MTMR7: variants seen among roughly 807,000 people sequenced by gnomAD.
MTMR7 encodes myotubularin related protein 7, also known as phosphatidylinositol-3-phosphate phosphatase MTMR7.
MTMR7 carries 76 observed loss-of-function variants against 81.2 expected under a neutral mutation model. The ratio of observed to expected loss-of-function variants is 0.94; its 90% CI spans 0.78 to 1.13. The LOEUF is 1.13. MTMR7 is among the 50% of genes most tolerant of loss of function. The pLI is 0.00. For synonymous variants in MTMR7, 372 were observed against 289.8 expected (o/e 1.28, Z -2.88); for missense variants, 1,044 against 820.0 (o/e 1.27, Z -3.34).
chr8:17,405,835 T>TAC (rs36233628), intron 1 of MTMR7, among the ~76,000 whole-genome samples: 41 of 121,072 alleles, frequency 3.4e-4, no homozygotes, highest in African/African-American at 1.0e-3. Flanking sequence ...CCCAAAACTA[T>TAC]ACACACACAC....
chr8:17,320,543 TAGAA>T (rs1228447240), intron 7 of MTMR7, among the ~76,000 whole-genome samples: 1 of 152,136 alleles, frequency 6.6e-6, no homozygotes. Flanking sequence ...GCTGATGATC[TAGAA>T]GCCAATTTCC....
chr8:17,312,737 A>G (rs1586159926), intron 8 of MTMR7, among the ~76,000 whole-genome samples: 2 of 152,282 alleles, frequency 1.3e-5, no homozygotes, highest in African/African-American at 4.8e-5. Flanking sequence ...TTACCTCAAA[A>G]CAGGGAACAT....
At chr8:17,397,125 G>A (rs1343786878) in intron 1 of MTMR7, among the ~76,000 whole-genome samples, 1 of 151,928 alleles carries the variant, frequency 6.6e-6, no homozygotes, top group African/African-American at 2.4e-5. Context: ...CTGGCTTCAG[G>A]GGAGCCCAGC....
chr8:17,345,803 G>C (rs1329158629), intron 5 of MTMR7, among the ~76,000 whole-genome samples: 1 of 152,274 alleles, frequency 6.6e-6, no homozygotes, highest in East Asian at 1.9e-4. Context: ...CCAGTTCCCA[G>C]TGCCCAAAAT....
chr8:17,340,645 A>T (rs1388459021), intron 6 of MTMR7, among the ~76,000 whole-genome samples: 1 of 152,228 alleles, frequency 6.6e-6, no homozygotes, highest in African/African-American at 2.4e-5. Flanking sequence ...TGTAAGATCA[A>T]TGTGGCTCAC....
chr8:17,312,403 C>T (rs1039901602), intron 8 of MTMR7, among the ~76,000 whole-genome samples: 2 of 151,848 alleles, frequency 1.3e-5, no homozygotes, highest in African/African-American at 2.4e-5. Context: ...GGTGAAACCC[C>T]GTCTCTACTA....
intron 6 of MTMR7, among the ~76,000 whole-genome samples, chr8:17,337,615 A>G (rs1416814719): frequency 6.6e-6 from 1 of 151,978 alleles, no homozygotes; most frequent in East Asian, 1.9e-4. Context: ...TTTGTCTCCC[A>G]ATTTTTTCTT....
intron 11 of MTMR7, among the ~76,000 whole-genome samples, chr8:17,305,028 A>C (rs1301006057): frequency 6.6e-6 from 1 of 152,166 alleles, no homozygotes; most frequent in Non-Finnish European, 1.5e-5. Flanking sequence ...GGTACAAGAA[A>C]ACAGGTGACC....
chr8:17,304,378 C>T lies in MTMR7; in HGVS notation c.1493+1G>A. The T allele has an allele frequency of 6.2e-7, 1 of 1,611,174 alleles. No individual in the cohort carries two copies. The highest frequency in any genetic ancestry group is 2.2e-5 in the East Asian group (1 of 44,768). ...TACAAAGTTACCAAGGATTTACATA[C>T]TTGTACATGAAGTTACATGGTGTTG... On this transcript the variant is annotated splice_donor_variant, in intron 12 of 13. Coordinates refer to ENST00000180173, the MANE Select transcript of MTMR7 (RefSeq NM_004686.5). LOFTEE classifies it high-confidence loss of function.
In MTMR7 at chr8:17,331,166, C is replaced by T. The variant is rs757499509; in HGVS notation, c.849G>A (p.Leu283=). Residue 283 remains leucine (L), a synonymous_variant, in exon 7 of 14, where the codon CTG becomes CTA. Transcript: ENST00000180173. ...ATGGTTTACCTTCCAGCATTTTCTG[C>T]AGACTGTTCCTCATGACATGGATGT... ...IENIHVMRNS[L]QKMLEVCELK... The T allele has an allele frequency of 4.3e-6, 7 of 1,610,970 alleles. No homozygotes were observed. Among genetic ancestry groups the T allele is most frequent in the African/African-American group, 2.7e-5 (2 of 74,912 alleles).
chr8:17,369,663 T>TC (rs1820349433), intron 3 of MTMR7, among the ~76,000 whole-genome samples: 1 of 130,888 alleles, frequency 7.6e-6, no homozygotes, highest in Non-Finnish European at 1.6e-5. Flanking sequence ...TTTTTTTTTT[T>TC]GAAACAGAGT....
rs1009925948 is a variant in MTMR7 at position 17,344,349 on chromosome 8, T to C, written c.598-2852A>G. ...GCATAAAGCCAGGCACAGTGGCTCA[T>C]GCCTGTAATCCCAGCACTTCGGGAG... On this transcript the variant is annotated intron_variant, in intron 5 of 13. Coordinates refer to ENST00000180173, the MANE Select transcript of MTMR7 (RefSeq NM_004686.5). Among the ~76,000 whole-genome samples the C allele has an allele frequency of 3.3e-5, 5 of 152,170 alleles. No individual in the cohort carries two copies. In the East Asian group the frequency reaches 7.7e-4, roughly 23 times the overall value.
At chr8:17,320,848 C>T (rs1304021645) in intron 7 of MTMR7, among the ~76,000 whole-genome samples, 1 of 152,224 alleles carries the variant, frequency 6.6e-6, no homozygotes, top group African/African-American at 2.4e-5. Context: ...TCACCACTCC[C>T]TGGGCGCCTG....
chr8:17,396,914 T>A (rs1390958472), intron 1 of MTMR7, among the ~76,000 whole-genome samples: 4 of 151,712 alleles, frequency 2.6e-5, no homozygotes, highest in Non-Finnish European at 5.9e-5. Flanking sequence ...GCAGAGTTAG[T>A]TGTGAGGCCC....
chr8:17,392,678 A>C (rs992295374), intron 1 of MTMR7, among the ~76,000 whole-genome samples: 4 of 152,230 alleles, frequency 2.6e-5, no homozygotes, highest in Non-Finnish European at 5.9e-5. Context: ...GTTTTTATTA[A>C]AGAACAATAT....
chr8:17,353,570 T>C (rs901072602), intron 4 of MTMR7, among the ~76,000 whole-genome samples: 6 of 152,228 alleles, frequency 3.9e-5, no homozygotes, highest in African/African-American at 1.4e-4. Flanking sequence ...ATGCAACATA[T>C]GTCGCTAATT....
intron 11 of MTMR7, among the ~76,000 whole-genome samples, 190 bp downstream of exon 11, chr8:17,305,563 CTATT>C (rs780761292): frequency 2.0e-5 from 3 of 152,114 alleles, no homozygotes; most frequent in African/African-American, 4.8e-5. Flanking sequence ...AAAAATGAAA[CTATT>C]TATCTGTCAG....
chr8:17,376,567 G>A (rs962823975), intron 1 of MTMR7, among the ~76,000 whole-genome samples: 7 of 152,080 alleles, frequency 4.6e-5, no homozygotes, highest in Admixed American at 1.3e-4. Context: ...AATATACAAG[G>A]GTTCCAACTT....
intron 6 of MTMR7, among the ~76,000 whole-genome samples, chr8:17,339,326 T>G (rs1417292898): frequency 6.6e-6 from 1 of 152,206 alleles, no homozygotes; most frequent in African/African-American, 2.4e-5. Flanking sequence ...CAATGGTGTT[T>G]GGTATACCCA....
Sources: gnomAD v4.1 joint callset for allele counts (sites outside exome capture counted in the v4.1 genomes callset) on GRCh38, gnomAD v4.1.1 for gene constraint, MANE v1.5 for transcripts, NCBI Gene and HGNC (gene_info 2026-07-23, HGNC 2026-07-21) for gene names.